The following CPSF2 variants were observed in gnomAD, a reference collection of about 807,000 sequenced individuals.
The protein encoded by CPSF2 is cleavage and polyadenylation specific factor 2.
CPSF2 carries 51 observed loss-of-function variants against 84.2 expected under a neutral mutation model. The ratio of observed to expected loss-of-function variants is 0.61; its 90% CI spans 0.48 to 0.77. The LOEUF is 0.77. CPSF2 is among the 30% of genes least tolerant of loss of function. CPSF2 has a pLI of 0.00. For missense variants in CPSF2, 641 were observed against 929.4 expected, an observed-to-expected ratio of 0.69 and a Z score of 4.03; for synonymous variants, 286 against 311.9, an observed-to-expected ratio of 0.92 and a Z score of 0.87.
rs771819870 is a variant in CPSF2 at position 92,159,177 on chromosome 14, T to TA, written c.2017dup (p.Ile673AsnfsTer14). The stretch of plus-strand genomic sequence containing the variant: ...TGGAAGCTCCCTCAGATTCTAGCGT[T>TA]ATAGCACAACAAAAGGCCATGAAAA... On this transcript the variant is annotated frameshift_variant, in exon 14 of 16. Transcript: ENST00000298875. LOFTEE classifies it high-confidence loss of function. The TA allele has an allele frequency of 6.2e-7, 1 of 1,614,042 alleles. No individual in the cohort carries two copies. The highest frequency in any genetic ancestry group is 8.5e-7 in the Non-Finnish European group (1 of 1,179,958).
chr14:92,143,114 A>G lies in CPSF2; in HGVS notation c.960A>G (p.Val320=). ...ATGGTCTTTCTGACTTGGCCCGTGT[A>G]CCTAGCCCTAAAGTTGTACTTGCCA... ...LCHGLSDLAR[V]PSPKVVLASQ... is the part of the protein sequence containing the mutation. The change falls in exon 9 of 16, where the codon GTA becomes GTG. Residue 320 remains valine (V), a synonymous_variant. Coordinates refer to ENST00000298875, the MANE Select transcript of CPSF2 (RefSeq NM_017437.3). The G allele has an allele frequency of 6.2e-7, 1 of 1,614,054 alleles. No homozygotes were observed. The highest frequency in any genetic ancestry group is 2.2e-5 in the East Asian group (1 of 44,878).
rs2069312302 is a variant in CPSF2 at position 92,157,914 on chromosome 14, G to C, written c.1821+30G>C. ...ACATGCCAGGAGTTGCCATTGAGTAGAAATAAGTACTTTTTGTTGCAGGTT... is the reference window on the plus strand; with the variant it reads ...ACATGCCAGGAGTTGCCATTGAGTACAAATAAGTACTTTTTGTTGCAGGTT... On this transcript the variant is annotated intron_variant, in intron 13 of 15. Coordinates refer to ENST00000298875, the MANE Select transcript of CPSF2 (RefSeq NM_017437.3). This position sits in a 1 kb window ranked among gnomAD's most constrained non-coding sequence, Gnocchi z 4.0. 6.8e-7 allele frequency: 1 copy of C among 1,472,530 alleles called. No individual in the cohort carries two copies. Among genetic ancestry groups the C allele is most frequent in the Non-Finnish European group, 9.5e-7 (1 of 1,051,516 alleles). 91.2% of individuals were successfully genotyped at this position (1,472,530 alleles called of 1,614,324 possible). A position where few individuals can be genotyped will look rare whatever the true frequency, so the allele number is the denominator to read the frequency against.
chr14:92,133,913 G>C, intron 3 of CPSF2, 98 bp from the exon 4 acceptor site: 1 of 1,240,734 alleles, frequency 8.1e-7, no homozygotes, highest in Non-Finnish European at 1.1e-6. Flanking sequence ...TTCTGCCCCA[G>C]TGTAGTCTTC....
intron 9 of CPSF2, among the ~76,000 whole-genome samples, chr14:92,148,304 A>G (rs1321416424): frequency 2.0e-5 from 3 of 152,182 alleles, no homozygotes; most frequent in Admixed American, 1.3e-4. Flanking sequence ...CTTTTTCTGA[A>G]CCATTTGAAG....
chr14:92,129,256 C>T (rs2141451508), intron 2 of CPSF2, among the ~76,000 whole-genome samples: 1 of 152,294 alleles, frequency 6.6e-6, no homozygotes, highest in East Asian at 1.9e-4. Context: ...AGAGAATTTT[C>T]AGAGAAGCAG....
chr14:92,133,342 C>T (rs2068958427), intron 3 of CPSF2, among the ~76,000 whole-genome samples: 2 of 151,848 alleles, frequency 1.3e-5, no homozygotes, highest in African/African-American at 4.8e-5. Context: ...TCGCTTGAAC[C>T]TGGGAGGCAG....
intron 7 of CPSF2, among the ~76,000 whole-genome samples, chr14:92,141,437 T>TCTCC (rs2069077391): frequency 6.6e-6 from 1 of 152,102 alleles, no homozygotes; most frequent in Non-Finnish European, 1.5e-5. Flanking sequence ...GCTCAAGCAG[T>TCTCC]CTCCCTCTAG....
chr14:92,140,962 T>C (rs2069070809), intron 7 of CPSF2, among the ~76,000 whole-genome samples: 1 of 152,104 alleles, frequency 6.6e-6, no homozygotes, highest in Admixed American at 6.5e-5. Context: ...TCTTTAAGTC[T>C]TAGTTTTGCT....
intron 1 of CPSF2, among the ~76,000 whole-genome samples, chr14:92,123,714 A>T (rs2141445831): frequency 6.6e-6 from 1 of 152,322 alleles, no homozygotes; most frequent in Non-Finnish European, 1.5e-5. Flanking sequence ...CACGATTATT[A>T]TTAAGAGGGC....
chr14:92,142,455 A>G, intron 8 of CPSF2, 104 bp downstream of exon 8: 1 of 840,588 alleles, frequency 1.2e-6, no homozygotes, highest in South Asian at 2.1e-5. Flanking sequence ...TCTTGAAGAG[A>G]TTGTTAATAA....
intron 13 of CPSF2, among the ~76,000 whole-genome samples, chr14:92,158,306 G>A (rs751636020): frequency 6.6e-6 from 1 of 152,116 alleles, no homozygotes; most frequent in Non-Finnish European, 1.5e-5. Flanking sequence ...AGAATTCCCG[G>A]ATATCAAGGT....
At chr14:92,122,659 G>A (rs1220079070) in intron 1 of CPSF2, among the ~76,000 whole-genome samples, 1 of 152,172 alleles carries the variant, frequency 6.6e-6, no homozygotes, top group Non-Finnish European at 1.5e-5. Flanking sequence ...TCGCCCTCCA[G>A]CGCTTCCACT....
At chr14:92,127,999 G>C (rs1249383542) in intron 2 of CPSF2, among the ~76,000 whole-genome samples, 1 of 152,210 alleles carries the variant, frequency 6.6e-6, no homozygotes, top group African/African-American at 2.4e-5. Flanking sequence ...GAAACTGAAA[G>C]TCAACCTACT....
At chr14:92,146,955 C>A (rs2069152336) in intron 9 of CPSF2, among the ~76,000 whole-genome samples, 2 of 152,164 alleles carry the variant, frequency 1.3e-5, no homozygotes, top group South Asian at 4.1e-4. Flanking sequence ...CAGGTTTAAC[C>A]CCCTCAGGTA....
Position 92,164,648 on chromosome 14 carries a change from G to A in CPSF2, c.*2904G>A, listed in dbSNP as rs1595071571. ...AAATTTGATTGTAGTATTTGTTGCT[G>A]TAGGATTATAAATGTCAAATATCAT... is the stretch of plus-strand genomic sequence containing the variant. On this transcript the variant is annotated 3_prime_UTR_variant, in exon 16 of 16. Transcript: ENST00000298875. The A allele has an allele frequency of 6.6e-6, 1 of 152,306 alleles. No individual in the cohort carries two copies. Among genetic ancestry groups the A allele is most frequent in the East Asian group, 1.9e-4 (1 of 5,190 alleles). 9.4% of individuals were successfully genotyped at this position (152,306 alleles called of 1,614,324 possible).
intron 6 of CPSF2, among the ~76,000 whole-genome samples, chr14:92,137,010 A>G (rs913814421): frequency 1.0e-4 from 15 of 146,382 alleles, no homozygotes; most frequent in Non-Finnish European, 1.8e-4. Flanking sequence ...CAAATGTCTG[A>G]AACAACAAAT....
intron 2 of CPSF2, among the ~76,000 whole-genome samples, chr14:92,127,054 C>T (rs930238094): frequency 1.8e-4 from 27 of 152,058 alleles, no homozygotes; most frequent in African/African-American, 5.3e-4. Context: ...AAACATTTAT[C>T]GGCTACCACT....
chr14:92,169,522 A>T lies in CPSF2; in HGVS notation c.*7778A>T. On this transcript the variant is annotated 3_prime_UTR_variant, in exon 16 of 16. Coordinates refer to ENST00000298875, the MANE Select transcript of CPSF2 (RefSeq NM_017437.3). The stretch of plus-strand genomic sequence containing the variant: ...TACTATAATTTCCAACTTCACCCAT[A>T]GGTCATGGTATAGTTGAAATTTCAT... 1 of 152,194 alleles carries T rather than the reference A, an allele frequency of 6.6e-6. No homozygotes were observed. The highest frequency in any genetic ancestry group is 1.5e-5 in the Non-Finnish European group (1 of 68,032). The allele number at this position is 152,194 out of a possible 1,614,324, so 9.4% of individuals were successfully genotyped here.
chr14:92,152,041 A>C (rs2069226123), intron 9 of CPSF2, among the ~76,000 whole-genome samples: 1 of 150,626 alleles, frequency 6.6e-6, no homozygotes, highest in South Asian at 2.1e-4. Context: ...CGTTCTTCCC[A>C]CTATCTTTTT....
Sources: allele counts gnomAD v4.1 joint callset (sites outside exome capture counted in the v4.1 genomes callset), GRCh38; gene constraint gnomAD v4.1.1; non-coding constraint Gnocchi (gnomAD v3.1); transcripts MANE v1.5; gene names NCBI Gene and HGNC (gene_info 2026-07-23, HGNC 2026-07-21).